The following STK32C variants were observed in gnomAD, a reference collection of about 807,000 sequenced individuals.
STK32C encodes the protein serine/threonine kinase 32C.
In STK32C, 31 loss-of-function variants were observed where a neutral mutation model predicts 56.5. The ratio of observed to expected loss-of-function variants is 0.55; its 90% CI spans 0.41 to 0.74. The LOEUF (loss-of-function observed/expected upper bound fraction) is 0.74. Among genes scored for constraint, STK32C ranks in the 30% least tolerant of loss-of-function variants. The pLI is 0.00. For missense variants in STK32C, 544 were observed against 676.9 expected (o/e 0.80, Z 2.18); for synonymous variants, 309 against 289.4 (o/e 1.07, Z -0.69).
Position 132,245,898 on chromosome 10 carries a change from A to AC in STK32C, c.318+1dup, listed in dbSNP as rs1372908716. 1 of 1,612,578 alleles carries AC rather than the reference A, an allele frequency of 6.2e-7. No individual in the cohort carries two copies. The highest frequency in any genetic ancestry group is 8.5e-7 in the Non-Finnish European group (1 of 1,179,938). On this transcript the variant is annotated splice_donor_variant, in intron 2 of 11. Transcript: ENST00000298630. LOFTEE classifies it high-confidence loss of function. ...CAGTCCCCACCCCAGGCCCTGCCTT[A>AC]CCTTGCCAAAGCTGCCCTTCCCAAT...
intron 1 of STK32C, among the ~76,000 whole-genome samples, chr10:132,278,663 G>T (rs1481590742): frequency 6.6e-6 from 1 of 151,590 alleles, no homozygotes; most frequent in Non-Finnish European, 1.5e-5. Context: ...CAGGAGGCTG[G>T]GCGGGAGAAT....
At chr10:132,331,291 G>T in intron 1 of STK32C, 1 of 747,740 alleles carries the variant, frequency 1.3e-6, no homozygotes, top group South Asian at 1.9e-5. Context: ...GGGACAGAGG[G>T]TGCTACTTTT....
At chr10:132,237,738 C>T (rs1011732613) in intron 2 of STK32C, among the ~76,000 whole-genome samples, 1 of 152,206 alleles carries the variant, frequency 6.6e-6, no homozygotes, top group Non-Finnish European at 1.5e-5. Flanking sequence ...GGGGCTGGCC[C>T]GGTGTGGCTT....
At chr10:132,225,142 GA>G in intron 7 of STK32C, 90 bp downstream of exon 7, 2 of 992,254 alleles carry the variant, frequency 2.0e-6, no homozygotes, top group Non-Finnish European at 3.0e-6. Context: ...TGCGCACCTG[GA>G]CACTGGGGCA....
At position 132,331,279 on chromosome 10, in the gene STK32C, G is replaced by A. The variant is rs190546831; in HGVS notation, c.301+157C>T. 1.5e-3 allele frequency among the ~76,000 whole-genome samples: 231 copies of A among 151,234 alleles called. 2 individuals are homozygous for A. Among genetic ancestry groups the A allele is most frequent in the African/African-American group, 5.3e-3 (219 of 41,216 alleles). ...GTCCGGGTTTCCAGAGTGTTTCTGG[G>A]TGGGACAGAGGGTGCTACTTTTCAT... On this transcript the variant is annotated intron_variant, in intron 1 of 1. Transcript: ENST00000368619.
chr10:132,222,052 GCA>G (rs1224428105), intron 10 of STK32C, among the ~76,000 whole-genome samples: 1 of 130,466 alleles, frequency 7.7e-6, no homozygotes, highest in Non-Finnish European at 1.6e-5. Flanking sequence ...GGCCATCCCT[GCA>G]CACACAACAT....
At chr10:132,234,019 T>C (rs2063188523) in intron 2 of STK32C, among the ~76,000 whole-genome samples, 1 of 152,184 alleles carries the variant, frequency 6.6e-6, no homozygotes, top group South Asian at 2.1e-4. Context: ...ATGCAAGCGA[T>C]CGTTCCGATG....
At chr10:132,331,949 G>A (rs1159127026), upstream of STK32C, 25 of 447,852 alleles carry the variant, frequency 5.6e-5, no homozygotes, top group Admixed American at 1.7e-3. Context: ...CCCCGCCCCA[G>A]CGCAGGCGCA....
upstream of STK32C, among the ~76,000 whole-genome samples, chr10:132,311,174 G>A (rs2066213058): frequency 6.6e-6 from 1 of 152,328 alleles, no homozygotes; most frequent in African/African-American, 2.4e-5. The surrounding 1 kb of genome is among the most constrained non-coding windows in gnomAD (Gnocchi z 4.4). Flanking sequence ...ACCGAGATGT[G>A]TGCTTCATCT....
chr10:132,251,615 C>A (rs1019527589), intron 1 of STK32C, among the ~76,000 whole-genome samples: 2 of 152,096 alleles, frequency 1.3e-5, no homozygotes, highest in Non-Finnish European at 2.9e-5. Context: ...CACCTCAGAT[C>A]GACTCTGGCT....
chr10:132,226,127 G>C (rs557053660), intron 4 of STK32C, among the ~76,000 whole-genome samples: 1 of 152,196 alleles, frequency 6.6e-6, no homozygotes, highest in Non-Finnish European at 1.5e-5. Context: ...AAGCCACCTC[G>C]GCTCTTGCTT....
intron 2 of STK32C, among the ~76,000 whole-genome samples, chr10:132,229,017 T>G (rs984621090): frequency 6.6e-6 from 1 of 152,058 alleles, no homozygotes; most frequent in Non-Finnish European, 1.5e-5. Context: ...TGCTTAGCAG[T>G]GAGGATGAGA....
chr10:132,217,720 G>A (rs2062515341), intron 10 of STK32C, among the ~76,000 whole-genome samples: 2 of 152,210 alleles, frequency 1.3e-5, no homozygotes, highest in Admixed American at 1.3e-4. Context: ...CATGAGATCC[G>A]ATGGTTTTAA....
intron 1 of STK32C, among the ~76,000 whole-genome samples, chr10:132,258,159 G>A (rs1348380923): frequency 6.6e-6 from 1 of 152,236 alleles, no homozygotes; most frequent in Non-Finnish European, 1.5e-5. Flanking sequence ...GCCCTGACCT[G>A]ACCTAGAGAG....
intron 1 of STK32C, among the ~76,000 whole-genome samples, chr10:132,295,705 G>A (rs1185790689): frequency 2.6e-5 from 4 of 152,168 alleles, no homozygotes; most frequent in Non-Finnish European, 4.4e-5. Context: ...CCGACATGGC[G>A]AAACTCTGTC....
rs549916768 is a variant in STK32C at position 132,307,532 on chromosome 10, T to C, written c.262+40A>G. 4.0e-6 allele frequency: 6 copies of C among 1,483,094 alleles called. No homozygotes were observed. The highest frequency in any genetic ancestry group is 5.4e-6 in the Non-Finnish European group (6 of 1,111,060). The allele number at this position is 1,483,094 out of a possible 1,614,324, so 91.9% of individuals were successfully genotyped here. On this transcript the variant is annotated intron_variant, in intron 1 of 11. Transcript: ENST00000298630. The surrounding 1 kb of genome is among the most constrained non-coding windows in gnomAD (Gnocchi z 4.4). ...CGCCCAGCCGCGCCCGCCCCTGCAA[T>C]AGCGCGCGGCCCCCACGTCGTCCCC...
At chr10:132,269,172 T>C (rs969543891) in intron 1 of STK32C, among the ~76,000 whole-genome samples, 1 of 151,664 alleles carries the variant, frequency 6.6e-6, no homozygotes, top group African/African-American at 2.4e-5. Context: ...TGTGTGCATG[T>C]GTCACATCGT....
rs775406700 is a variant in STK32C, at chr10:132,225,798, A to G, written c.645-14T>C. 6.8e-6 allele frequency: 11 copies of G among 1,613,900 alleles called. No homozygotes were observed. The highest frequency in any genetic ancestry group is 9.3e-6 in the Non-Finnish European group (11 of 1,180,006). ...GGCTTGACATCTCTAGAAAGAGCAG[A>G]AAGTGGGAAGGTGAGTTGGGAATCT... On this transcript the variant is annotated splice_polypyrimidine_tract_variant and intron_variant, in intron 4 of 11. Coordinates refer to ENST00000298630, the MANE Select transcript of STK32C (RefSeq NM_173575.4).
At chr10:132,274,690 C>T (rs542722021) in intron 1 of STK32C, among the ~76,000 whole-genome samples, 136 of 152,310 alleles carry the variant, frequency 8.9e-4, no homozygotes, top group Non-Finnish European at 1.8e-3. Flanking sequence ...CAGAATAAAC[C>T]CGGCTGAGCG....
Sources: gnomAD v4.1 joint callset for allele counts (sites outside exome capture counted in the v4.1 genomes callset) on GRCh38, gnomAD v4.1.1 for gene constraint, Gnocchi (gnomAD v3.1) non-coding constraint, MANE v1.5 for transcripts, NCBI Gene and HGNC (gene_info 2026-07-23, HGNC 2026-07-21) for gene names.